Variants in NCAM2 observed in about 807,000 individuals in gnomAD.
NCAM2 encodes the protein neural cell adhesion molecule 2.
In NCAM2, 30 loss-of-function variants were observed where a neutral mutation model predicts 98.1. The observed-to-expected ratio is 0.31, with a 90% CI of 0.23 to 0.41. NCAM2 has a LOEUF of 0.41. Ranked by LOEUF, NCAM2 falls within the 10% of genes least tolerant of loss-of-function variation. NCAM2 has a pLI of 1.00. For synonymous variants in NCAM2, 368 were observed against 342.4 expected, an observed-to-expected ratio of 1.07 and a Z score of -0.83; for missense variants, 867 against 1,005.8, an observed-to-expected ratio of 0.86 and a Z score of 1.87.
At chr21:21,148,099 T>G (rs2146689226) in intron 1 of NCAM2, among the ~76,000 whole-genome samples, 1 of 152,248 alleles carries the variant, frequency 6.6e-6, no homozygotes, top group South Asian at 2.1e-4. Context: ...TATCCTATGC[T>G]GTTCAGCCAC....
chr21:21,001,691 T>C (rs1336767729), intron 1 of NCAM2, among the ~76,000 whole-genome samples: 1 of 152,194 alleles, frequency 6.6e-6, no homozygotes, highest in Non-Finnish European at 1.5e-5. Flanking sequence ...ATATGTAAGA[T>C]AGAAGCACTG....
At chr21:21,124,045 A>T (rs1054748123) in intron 1 of NCAM2, among the ~76,000 whole-genome samples, 4 of 146,242 alleles carry the variant, frequency 2.7e-5, no homozygotes, top group Non-Finnish European at 4.5e-5. Context: ...ACGGGGTTTC[A>T]CCATGTTGGC....
chr21:21,536,355 G>T (rs1602583837), intron 17 of NCAM2, among the ~76,000 whole-genome samples: 1 of 150,462 alleles, frequency 6.6e-6, no homozygotes, highest in Non-Finnish European at 1.5e-5. Flanking sequence ...ACATGGTAAG[G>T]TTAAAGTCAC....
chr21:21,451,257 G>T (rs1349740157), intron 12 of NCAM2, among the ~76,000 whole-genome samples: 1 of 152,034 alleles, frequency 6.6e-6, no homozygotes, highest in East Asian at 1.9e-4. Context: ...AAACTAAATA[G>T]TTACTGTTTT....
At chr21:21,425,765 G>GT (rs1201426867) in intron 11 of NCAM2, among the ~76,000 whole-genome samples, 1 of 152,152 alleles carries the variant, frequency 6.6e-6, no homozygotes, top group Non-Finnish European at 1.5e-5. Flanking sequence ...TTGGCAATTG[G>GT]TAAAAACTAG....
chr21:21,431,320 AT>A (rs11405435), intron 11 of NCAM2, among the ~76,000 whole-genome samples: 51 of 147,074 alleles, frequency 3.5e-4, no homozygotes, highest in South Asian at 8.5e-4. Context: ...CCTCACTGGG[AT>A]TTTTTTTTTT....
At chr21:21,350,697 A>T (rs2075310264) in intron 8 of NCAM2, among the ~76,000 whole-genome samples, 1 of 152,188 alleles carries the variant, frequency 6.6e-6, no homozygotes, top group Admixed American at 6.5e-5. Flanking sequence ...CATCCAAAGC[A>T]TTTTATGTAC....
chr21:21,102,157 CTT>C (rs997133282), intron 1 of NCAM2, among the ~76,000 whole-genome samples: 1 of 152,036 alleles, frequency 6.6e-6, no homozygotes, highest in Admixed American at 6.6e-5. Context: ...AATATGCACA[CTT>C]GTGTTAAAAC....
At chr21:21,466,056 T>C (rs1052184930) in intron 12 of NCAM2, among the ~76,000 whole-genome samples, 1 of 152,036 alleles carries the variant, frequency 6.6e-6, no homozygotes, top group East Asian at 1.9e-4. Flanking sequence ...AAAATACAAG[T>C]TATGAGTAGG....
chr21:21,338,299 T>A (rs2074933019), intron 7 of NCAM2, 90 bp from the exon 8 acceptor site: 1 of 1,199,356 alleles, frequency 8.3e-7, no homozygotes, highest in Non-Finnish European at 1.2e-6. Context: ...CATACTATAC[T>A]ATAGTAGACT....
intron 1 of NCAM2, among the ~76,000 whole-genome samples, chr21:21,139,434 T>C (rs1478618163): frequency 2.0e-5 from 3 of 152,248 alleles, no homozygotes; most frequent in Admixed American, 6.5e-5. Context: ...TTAATGTCTC[T>C]AGTTCTTGGC....
At chr21:21,478,394 A>G (rs976616858) in intron 15 of NCAM2, among the ~76,000 whole-genome samples, 21 of 152,006 alleles carry the variant, frequency 1.4e-4, no homozygotes, top group African/African-American at 4.8e-4. Context: ...GAGTATAAGT[A>G]TAGATATATA....
At chr21:21,171,598 GC>G (rs796924468) in intron 1 of NCAM2, among the ~76,000 whole-genome samples, 49 of 152,226 alleles carry the variant, frequency 3.2e-4, no homozygotes, top group African/African-American at 1.2e-3. Flanking sequence ...ACCCTTGACT[GC>G]CACAGACTGG....
chr21:21,272,505 C>CGCGT (rs1209839615), intron 1 of NCAM2, among the ~76,000 whole-genome samples: 3 of 56,584 alleles, frequency 5.3e-5, no homozygotes, highest in Non-Finnish European at 8.0e-5. Context: ...CATGCGCGCG[C>CGCGT]GCGCACACAC....
Position 21,505,111 on chromosome 21 carries a change from A to G in NCAM2, c.2078-3740A>G, listed in dbSNP as rs144923372. On this transcript the variant is annotated intron_variant, in intron 15 of 17. Coordinates refer to ENST00000400546, the MANE Select transcript of NCAM2 (RefSeq NM_004540.5). The stretch of plus-strand genomic sequence containing the variant: ...TTATTTTTTCATAAAAATAACTTCA[A>G]GCAACCTACGATTGTAATAAGTTTA... Among the ~76,000 whole-genome samples the G allele has an allele frequency of 4.0e-4, 61 of 152,206 alleles. No homozygotes were observed. In the East Asian group the frequency reaches 0.011, roughly 28 times the overall value.
intron 1 of NCAM2, among the ~76,000 whole-genome samples, chr21:21,102,694 T>TA (rs1175088145): frequency 7.9e-5 from 12 of 151,928 alleles, no homozygotes; most frequent in African/African-American, 2.7e-4. Flanking sequence ...TGCTCAGTTA[T>TA]AAAAAATCCA....
At chr21:21,053,015 T>A (rs1450025080) in intron 1 of NCAM2, among the ~76,000 whole-genome samples, 1 of 152,132 alleles carries the variant, frequency 6.6e-6, no homozygotes, top group African/African-American at 2.4e-5. Flanking sequence ...AGAGCATGTA[T>A]AAATTTATTT....
At chr21:21,473,241 T>C (rs922761071) in intron 14 of NCAM2, among the ~76,000 whole-genome samples, 5 of 151,114 alleles carry the variant, frequency 3.3e-5, no homozygotes, top group South Asian at 2.1e-4. Flanking sequence ...GCCAGGTCCC[T>C]TGATGCTTCT....
intron 16 of NCAM2, among the ~76,000 whole-genome samples, chr21:21,526,472 TAAAAG>T (rs919618482): frequency 6.6e-6 from 1 of 151,880 alleles, no homozygotes; most frequent in African/African-American, 2.4e-5. Flanking sequence ...TGATAGAAAA[TAAAAG>T]AAGAATGAAA....
Sources: allele counts gnomAD v4.1 joint callset (sites outside exome capture counted in the v4.1 genomes callset), GRCh38; gene constraint gnomAD v4.1.1; transcripts MANE v1.5; gene names NCBI Gene and HGNC (gene_info 2026-07-23, HGNC 2026-07-21).